Variants in CBFB observed in about 807,000 individuals in gnomAD.
CBFB encodes core-binding factor subunit beta, also known as CBF-beta.
A neutral mutation model predicts 30.4 loss-of-function variants in CBFB; 9 were observed. The observed-to-expected ratio is 0.30, with a 90% CI of 0.18 to 0.52. The LOEUF (loss-of-function observed/expected upper bound fraction) is 0.52. Among genes scored for constraint, CBFB ranks in the 20% least tolerant of loss-of-function variants. The pLI is 0.97. For synonymous variants in CBFB, 94 were observed against 84.0 expected (o/e 1.12, Z -0.65); for missense variants, 170 against 244.0 (o/e 0.70, Z 2.02).
chr16:67,057,449 T>C (rs966811821), intron 3 of CBFB, among the ~76,000 whole-genome samples: 1 of 152,220 alleles, frequency 6.6e-6, no homozygotes, highest in Admixed American at 6.5e-5. Flanking sequence ...GATTAAGTTT[T>C]AGGCTAATTC....
chr16:67,083,543 C>T (rs905524961), intron 5 of CBFB, among the ~76,000 whole-genome samples: 1 of 152,152 alleles, frequency 6.6e-6, no homozygotes, highest in Non-Finnish European at 1.5e-5. Context: ...ATCCACCCAC[C>T]TCAACCTCCC....
chr16:67,069,090 T>C (rs1373444975), intron 4 of CBFB, among the ~76,000 whole-genome samples: 1 of 152,162 alleles, frequency 6.6e-6, no homozygotes. Flanking sequence ...GGCGCATGCC[T>C]GTAATCCCAC....
Position 67,064,535 on chromosome 16 carries a change from G to A in CBFB, c.283-2147G>A, listed in dbSNP as rs187201277. Among the ~76,000 whole-genome samples the A allele has an allele frequency of 2.2e-3, 329 of 152,182 alleles. 2 individuals are homozygous for A. Among genetic ancestry groups the A allele is most frequent in the Non-Finnish European group, 3.8e-3 (259 of 67,992 alleles). Reference sequence around the variant, plus strand: ...ATTATGTTTTTAAAAGTAACTATTAGGTTAGTGTGGTATTAGGAGTGGGAA... The same window carrying A: ...ATTATGTTTTTAAAAGTAACTATTAAGTTAGTGTGGTATTAGGAGTGGGAA... On this transcript the variant is annotated intron_variant, in intron 3 of 5. Transcript: ENST00000412916.
In CBFB at chr16:67,099,944, T is replaced by C. The variant is rs1962169086; in HGVS notation, c.*1166T>C. 1 of 209,382 alleles carries C rather than the reference T, an allele frequency of 4.8e-6. No individual in the cohort carries two copies. The highest frequency in any genetic ancestry group is 9.7e-6 in the Non-Finnish European group (1 of 102,818). The allele number at this position is 209,382 out of a possible 1,614,324, so 13.0% of individuals were successfully genotyped here. ...GTGCAGAGGATGCATTTTCTTCCAT[T>C]AATTCTGGAAAAAACGTTCACAGTT... On this transcript the variant is annotated 3_prime_UTR_variant, in exon 6 of 6. Transcript: ENST00000412916.
intron 3 of CBFB, among the ~76,000 whole-genome samples, chr16:67,059,057 C>T (rs761804728): frequency 1.3e-5 from 2 of 152,198 alleles, no homozygotes; most frequent in African/African-American, 4.8e-5. Context: ...TCTGCCATCC[C>T]TTTGTACCTT....
intron 3 of CBFB, among the ~76,000 whole-genome samples, chr16:67,061,680 GATC>G (rs1960915214): frequency 6.6e-6 from 1 of 152,088 alleles, no homozygotes; most frequent in African/African-American, 2.4e-5. Context: ...AAATCAGTAG[GATC>G]ATCTAAATAT....
At chr16:67,054,931 T>C (rs1236027779) in intron 3 of CBFB, among the ~76,000 whole-genome samples, 4 of 106,056 alleles carry the variant, frequency 3.8e-5, no homozygotes, top group Non-Finnish European at 6.7e-5. Context: ...ATTTTTTGTA[T>C]TTTTTTTTTT....
At chr16:67,085,929 T>C (rs1168990997) in intron 5 of CBFB, among the ~76,000 whole-genome samples, 8 of 151,770 alleles carry the variant, frequency 5.3e-5, no homozygotes, top group Non-Finnish European at 8.8e-5. Context: ...CTGCCCGCCT[T>C]GGCCTCCCAA....
At chr16:67,093,227 G>A (rs1032344601) in intron 5 of CBFB, among the ~76,000 whole-genome samples, 6 of 152,118 alleles carry the variant, frequency 3.9e-5, no homozygotes, top group Non-Finnish European at 7.4e-5. Context: ...AACTGTAGGC[G>A]TGAGCCACCA....
chr16:67,064,295 C>T (rs540142486), intron 3 of CBFB, among the ~76,000 whole-genome samples: 3 of 152,324 alleles, frequency 2.0e-5, no homozygotes, highest in South Asian at 4.1e-4. Context: ...CAACCTCTGC[C>T]TCCTGGGTTC....
intron 5 of CBFB, among the ~76,000 whole-genome samples, chr16:67,085,549 C>T (rs1961701955): frequency 6.6e-6 from 1 of 151,020 alleles, no homozygotes; most frequent in Admixed American, 6.6e-5. Context: ...GGCAGAAGTG[C>T]AGTGGTGTGA....
intron 3 of CBFB, among the ~76,000 whole-genome samples, chr16:67,047,930 A>G (rs1029763680): frequency 2.6e-5 from 4 of 152,182 alleles, no homozygotes; most frequent in South Asian, 2.1e-4. Flanking sequence ...TTGGCTGGGC[A>G]TGGTGGTGGG....
chr16:67,042,660 G>A (rs928546367), intron 3 of CBFB, among the ~76,000 whole-genome samples: 1 of 152,222 alleles, frequency 6.6e-6, no homozygotes, highest in Non-Finnish European at 1.5e-5. Flanking sequence ...TGAAGGATCT[G>A]CCTGTTGGTA....
At chr16:67,087,720 G>GT (rs1246810243) in intron 5 of CBFB, among the ~76,000 whole-genome samples, 3 of 152,146 alleles carry the variant, frequency 2.0e-5, no homozygotes, top group Non-Finnish European at 2.9e-5. Flanking sequence ...GTTTCTACTT[G>GT]TTTTTTTGTC....
chr16:67,050,682 A>G (rs1191903249), intron 3 of CBFB, among the ~76,000 whole-genome samples: 1 of 152,100 alleles, frequency 6.6e-6, no homozygotes, highest in African/African-American at 2.4e-5. Context: ...AGTCCTAGCT[A>G]TTTGGGAGGC....
At chr16:67,037,598 A>G (rs1345834859) in intron 3 of CBFB, among the ~76,000 whole-genome samples, 2 of 152,064 alleles carry the variant, frequency 1.3e-5, no homozygotes, top group Non-Finnish European at 2.9e-5. Flanking sequence ...AGATACAAAA[A>G]TATAGGTAAA....
chr16:67,041,260 ATATTATC>A (rs1292742618), intron 3 of CBFB, among the ~76,000 whole-genome samples: 1 of 152,118 alleles, frequency 6.6e-6, no homozygotes, highest in Non-Finnish European at 1.5e-5. Flanking sequence ...CAGATGAATG[ATATTATC>A]TACGTTAGGT....
intron 5 of CBFB, among the ~76,000 whole-genome samples, chr16:67,090,660 G>A (rs1288362512): frequency 6.6e-6 from 1 of 152,128 alleles, no homozygotes; most frequent in East Asian, 1.9e-4. Flanking sequence ...CAGCTCCAAG[G>A]TGACAGGGTG....
chr16:67,055,210 C>T (rs908102865), intron 3 of CBFB, among the ~76,000 whole-genome samples: 3 of 151,896 alleles, frequency 2.0e-5, no homozygotes, highest in Admixed American at 2.0e-4. Context: ...ATATTGGTGG[C>T]AAGTTAATAC....
Sources: gnomAD v4.1 joint callset for allele counts (sites outside exome capture counted in the v4.1 genomes callset) on GRCh38, gnomAD v4.1.1 for gene constraint, MANE v1.5 for transcripts, NCBI Gene and HGNC (gene_info 2026-07-23, HGNC 2026-07-21) for gene names.